The following RNF150 variants were observed in gnomAD, a reference collection of about 807,000 sequenced individuals.
RNF150 encodes the protein ring finger protein 150.
RNF150 carries 24 observed loss-of-function variants against 39.3 expected under a neutral mutation model. The observed-to-expected ratio is 0.61, with a 90% CI of 0.44 to 0.86. The LOEUF (loss-of-function observed/expected upper bound fraction) is 0.86, where lower values mean the gene tolerates loss of function less well. Ranked by LOEUF, RNF150 falls within the 40% of genes least tolerant of loss-of-function variation. The pLI is 0.00. For synonymous variants in RNF150, 255 were observed against 227.3 expected (o/e 1.12, Z -1.10); for missense variants, 502 against 587.8 (o/e 0.85, Z 1.51).
At chr4:141,174,773 C>T (rs1247623546) in intron 1 of RNF150, among the ~76,000 whole-genome samples, 27 of 151,786 alleles carry the variant, frequency 1.8e-4, no homozygotes, top group Admixed American at 1.8e-3. Context: ...TGAACACAGG[C>T]CAGAAAATCT....
At chr4:141,026,610 A>G (rs1313322859) in intron 1 of RNF150, among the ~76,000 whole-genome samples, 1 of 152,202 alleles carries the variant, frequency 6.6e-6, no homozygotes, top group African/African-American at 2.4e-5. Context: ...CTAAGCTGCA[A>G]AGCTTCTTAG....
intron 1 of RNF150, among the ~76,000 whole-genome samples, chr4:141,196,923 C>T (rs982023879): frequency 3.3e-5 from 5 of 152,154 alleles, no homozygotes; most frequent in Non-Finnish European, 4.4e-5. Flanking sequence ...ATCAATTAAA[C>T]GGTGGTCCAT....
At chr4:141,111,165 G>A (rs1391919005) in intron 1 of RNF150, among the ~76,000 whole-genome samples, 1 of 152,202 alleles carries the variant, frequency 6.6e-6, no homozygotes, top group East Asian at 1.9e-4. Flanking sequence ...CATTGATCCT[G>A]AGGAATGGTC....
At chr4:141,127,451 TATTAA>T (rs931724995) in intron 1 of RNF150, among the ~76,000 whole-genome samples, 8 of 152,154 alleles carry the variant, frequency 5.3e-5, no homozygotes, top group African/African-American at 1.4e-4. Flanking sequence ...AAGAAAACTT[TATTAA>T]ATTAAAGCAG....
intron 5 of RNF150, among the ~76,000 whole-genome samples, chr4:140,925,536 C>T (rs1042780419): frequency 4.6e-5 from 7 of 152,144 alleles, no homozygotes; most frequent in East Asian, 1.9e-4. Context: ...TCCTCCCCTC[C>T]GATTGCTGGG....
chr4:140,887,351 C>T (rs12507690), intron 6 of RNF150, among the ~76,000 whole-genome samples: 20,594 of 152,150 alleles, frequency 0.14, 1,691 homozygotes, highest in East Asian at 0.38. Context: ...CACAATGCTA[C>T]GCAGTATGTG....
rs1728521075 is a variant in RNF150, at chr4:140,862,281, A to G, written c.*5980T>C. Reference sequence around the variant, plus strand: ...TTTGTCTTATCATCAGCAAATATTTATCAGGTGGCCACAGAGCAAATGGCT... The same window carrying G: ...TTTGTCTTATCATCAGCAAATATTTGTCAGGTGGCCACAGAGCAAATGGCT... On this transcript the variant is annotated 3_prime_UTR_variant, in exon 7 of 7. Coordinates refer to ENST00000515673, the MANE Select transcript of RNF150 (RefSeq NM_020724.2). 6.6e-6 allele frequency: 1 copy of G among 152,220 alleles called. No homozygotes were observed. Among genetic ancestry groups the G allele is most frequent in the Non-Finnish European group, 1.5e-5 (1 of 68,048 alleles). 9.4% of individuals were successfully genotyped at this position (152,220 alleles called of 1,614,324 possible).
chr4:140,935,055 A>AT (rs1202593670), intron 4 of RNF150, among the ~76,000 whole-genome samples: 2 of 61,354 alleles, frequency 3.3e-5, no homozygotes, highest in South Asian at 5.8e-4. Flanking sequence ...AAATATATAT[A>AT]TTATATATAT....
At chr4:140,937,659 GT>G (rs1175109143) in intron 4 of RNF150, among the ~76,000 whole-genome samples, 4 of 151,454 alleles carry the variant, frequency 2.6e-5, no homozygotes, top group Non-Finnish European at 4.4e-5. Flanking sequence ...ACTCTACAGT[GT>G]TTAAAAACAT....
chr4:141,028,960 A>T (rs1188446538), intron 1 of RNF150, among the ~76,000 whole-genome samples: 1 of 152,224 alleles, frequency 6.6e-6, no homozygotes, highest in Non-Finnish European at 1.5e-5. Flanking sequence ...TACCAAAACC[A>T]ACATAATTTA....
intron 2 of RNF150, among the ~76,000 whole-genome samples, chr4:140,961,244 T>C (rs1733011181): frequency 6.6e-6 from 1 of 152,110 alleles, no homozygotes; most frequent in Non-Finnish European, 1.5e-5. Flanking sequence ...AAATATTACT[T>C]CATGGGAAAC....
chr4:141,025,696 C>T (rs940930624), intron 1 of RNF150, among the ~76,000 whole-genome samples: 1 of 152,060 alleles, frequency 6.6e-6, no homozygotes, highest in Non-Finnish European at 1.5e-5. Flanking sequence ...AGAGTTAAAG[C>T]ATTCTAAATT....
At chr4:141,002,067 T>C (rs1243760704) in intron 1 of RNF150, among the ~76,000 whole-genome samples, 1 of 152,194 alleles carries the variant, frequency 6.6e-6, no homozygotes, top group African/African-American at 2.4e-5. Flanking sequence ...TTGGTCCACA[T>C]ATCACCTGAA....
chr4:141,158,607 T>C lies in RNF150; in HGVS notation c.-6+54187A>G, dbSNP rs115653692. Among the ~76,000 whole-genome samples, 1,355 of 152,294 alleles carry C rather than the reference T, an allele frequency of 8.9e-3. 19 individuals carry two copies. Among genetic ancestry groups the C allele is most frequent in the African/African-American group, 0.03 (1,256 of 41,556 alleles). On this transcript the variant is annotated intron_variant, in intron 1 of 7. Transcript: ENST00000420921. ...TTAGTGTATTAACATTTACCAAACA[T>C]TCTGCTGAACTGACATAGTCAAATT...
intron 1 of RNF150, among the ~76,000 whole-genome samples, chr4:141,174,810 C>G (rs1727781910): frequency 6.6e-6 from 1 of 151,130 alleles, no homozygotes; most frequent in Admixed American, 6.6e-5. Context: ...GAGAATATAG[C>G]TCTATTAAAA....
intron 6 of RNF150, among the ~76,000 whole-genome samples, chr4:140,877,596 C>T (rs2111196102): frequency 6.6e-6 from 1 of 152,308 alleles, no homozygotes; most frequent in Non-Finnish European, 1.5e-5. Context: ...ATTAGGTACA[C>T]AGCACTGCTG....
intron 1 of RNF150, among the ~76,000 whole-genome samples, chr4:141,023,420 A>ATT (rs70946790): frequency 6.7e-6 from 1 of 149,142 alleles, no homozygotes; most frequent in African/African-American, 2.5e-5. Flanking sequence ...TACTTTTCAT[A>ATT]TTTTTTTTTT....
At chr4:140,915,849 T>G (rs891326075) in intron 5 of RNF150, among the ~76,000 whole-genome samples, 13 of 152,154 alleles carry the variant, frequency 8.5e-5, no homozygotes, top group African/African-American at 2.9e-4. Flanking sequence ...GAGACAAAAC[T>G]TCCAGAGGAA....
intron 2 of RNF150, among the ~76,000 whole-genome samples, chr4:140,966,570 A>G (rs1458992150): frequency 6.6e-6 from 1 of 152,150 alleles, no homozygotes; most frequent in Non-Finnish European, 1.5e-5. Context: ...TTCACCAAAA[A>G]TATTCACTTT....
Sources: gnomAD v4.1 joint callset for allele counts (sites outside exome capture counted in the v4.1 genomes callset) on GRCh38, gnomAD v4.1.1 for gene constraint, MANE v1.5 for transcripts, NCBI Gene and HGNC (gene_info 2026-07-23, HGNC 2026-07-21) for gene names.